The following HCN1 variants were observed in gnomAD, a reference collection of about 807,000 sequenced individuals.
HCN1 encodes the protein hyperpolarization activated cyclic nucleotide gated potassium channel 1.
In HCN1, 13 loss-of-function variants were observed where a neutral mutation model predicts 78.9. That is an observed-to-expected ratio of 0.16 (90% CI 0.11 to 0.26). HCN1 has a LOEUF of 0.26. HCN1 is among the 10% of genes least tolerant of loss of function. The pLI, the probability that HCN1 is intolerant of heterozygous loss-of-function variation, is 1.00. For synonymous variants in HCN1, 552 were observed against 455.5 expected, an observed-to-expected ratio of 1.21 and a Z score of -2.70; for missense variants, 810 against 1,154.3, an observed-to-expected ratio of 0.70 and a Z score of 4.32.
chr5:45,264,943 C>G (rs866261882), intron 7 of HCN1, among the ~76,000 whole-genome samples: 1 of 152,114 alleles, frequency 6.6e-6, no homozygotes, highest in Non-Finnish European at 1.5e-5. Context: ...GTAATTCCAG[C>G]ACTGTGGGAG....
intron 2 of HCN1, among the ~76,000 whole-genome samples, chr5:45,486,914 T>C (rs907876043): frequency 6.6e-6 from 1 of 152,108 alleles, no homozygotes; most frequent in African/African-American, 2.4e-5. Flanking sequence ...CCATCTATGT[T>C]AGGTGGTAAA....
intron 3 of HCN1, among the ~76,000 whole-genome samples, chr5:45,397,417 A>G (rs1739707251): frequency 6.6e-6 from 1 of 152,032 alleles, no homozygotes; most frequent in African/African-American, 2.4e-5. Flanking sequence ...CTGACTTCTG[A>G]GATTATTTAT....
chr5:45,266,544 C>A (rs1354247600), intron 7 of HCN1, among the ~76,000 whole-genome samples: 1 of 152,070 alleles, frequency 6.6e-6, no homozygotes, highest in East Asian at 1.9e-4. Context: ...TGGCATCAGT[C>A]GGGAAATCAG....
intron 6 of HCN1, among the ~76,000 whole-genome samples, chr5:45,272,856 A>G (rs1049277807): frequency 6.6e-6 from 1 of 152,106 alleles, no homozygotes; most frequent in Admixed American, 6.6e-5. Context: ...TAAATACAAA[A>G]TAAAATAAAA....
chr5:45,601,603 G>A (rs573416913), intron 2 of HCN1, among the ~76,000 whole-genome samples: 1 of 152,214 alleles, frequency 6.6e-6, no homozygotes, highest in African/African-American at 2.4e-5. Context: ...TTTGTACACG[G>A]ACTTTTTGAT....
intron 5 of HCN1, among the ~76,000 whole-genome samples, chr5:45,315,791 T>A (rs1230115856): frequency 6.6e-6 from 1 of 152,060 alleles, no homozygotes; most frequent in Non-Finnish European, 1.5e-5. Flanking sequence ...AACACCTCTA[T>A]GCAAATAAAC....
chr5:45,544,108 C>A (rs887379901), intron 2 of HCN1, among the ~76,000 whole-genome samples: 1 of 151,974 alleles, frequency 6.6e-6, no homozygotes, highest in Non-Finnish European at 1.5e-5. Flanking sequence ...TTCCAAGAGT[C>A]TGGAGTACCT....
At chr5:45,271,026 C>T (rs954071135) in intron 6 of HCN1, among the ~76,000 whole-genome samples, 1 of 151,844 alleles carries the variant, frequency 6.6e-6, no homozygotes, top group Admixed American at 6.6e-5. Flanking sequence ...TGGCTTGAAT[C>T]AGTTAAATAT....
At chr5:45,430,573 T>A (rs1330383530) in intron 3 of HCN1, among the ~76,000 whole-genome samples, 1 of 152,168 alleles carries the variant, frequency 6.6e-6, no homozygotes, top group South Asian at 2.1e-4. Context: ...ATTAGTTAAC[T>A]TAGGATAATG....
At chr5:45,577,492 T>C (rs1743970385) in intron 2 of HCN1, among the ~76,000 whole-genome samples, 1 of 152,126 alleles carries the variant, frequency 6.6e-6, no homozygotes. Flanking sequence ...ACTTAAAACA[T>C]ATTTTCATAG....
intron 3 of HCN1, among the ~76,000 whole-genome samples, chr5:45,408,519 T>C (rs1185374359): frequency 2.0e-5 from 3 of 152,170 alleles, no homozygotes; most frequent in Admixed American, 6.6e-5. Context: ...AGGTGTGTAG[T>C]AGGCTATATC....
chr5:45,584,711 T>G (rs1299384295), intron 2 of HCN1, among the ~76,000 whole-genome samples: 1 of 152,204 alleles, frequency 6.6e-6, no homozygotes, highest in Non-Finnish European at 1.5e-5. Context: ...TGGAGCTCTT[T>G]TAGGGCAGGC....
rs1739694895 is a variant in HCN1, at chr5:45,396,723, A to T, written c.1012-13T>A. ...CCCAAGAATCATTCTGCAACATAAG[A>T]TAAAAAGAAAATTGACTGAGCCATT... On this transcript the variant is annotated splice_polypyrimidine_tract_variant and intron_variant, in intron 3 of 7. Transcript: ENST00000303230. The T allele has an allele frequency of 6.2e-7, 1 of 1,607,486 alleles. No individual in the cohort carries two copies. The highest frequency in any genetic ancestry group is 1.1e-5 in the South Asian group (1 of 90,938).
At chr5:45,614,974 A>G (rs529493163) in intron 2 of HCN1, among the ~76,000 whole-genome samples, 1 of 151,896 alleles carries the variant, frequency 6.6e-6, no homozygotes, top group Admixed American at 6.6e-5. Flanking sequence ...CCACAGAGAA[A>G]AAAAAAAAAA....
chr5:45,487,674 T>A (rs939132945), intron 2 of HCN1, among the ~76,000 whole-genome samples: 1 of 152,110 alleles, frequency 6.6e-6, no homozygotes, highest in Non-Finnish European at 1.5e-5. Flanking sequence ...TACAAAATAA[T>A]GTAAGTTCAT....
intron 1 of HCN1, among the ~76,000 whole-genome samples, chr5:45,682,274 T>TATATATATATATACAC (rs1561243541): frequency 7.8e-4 from 82 of 105,688 alleles, no homozygotes; most frequent in Middle Eastern, 4.5e-3. Context: ...TATATATACA[T>TATATATATATATACAC]ATATATATAT....
Position 45,258,302 on chromosome 5 carries a change from A to C in HCN1, c.*3619T>G, listed in dbSNP as rs1361633761. The C allele has an allele frequency of 6.6e-6, 1 of 152,224 alleles. No homozygotes were observed. The allele number at this position is 152,224 out of a possible 1,614,324, so 9.4% of individuals were successfully genotyped here. ...TTAAACATGTCATATTGTTTAAATCATTCTCTGTCCTATAGGAATGACGGT... is the reference window on the plus strand; with the variant it reads ...TTAAACATGTCATATTGTTTAAATCCTTCTCTGTCCTATAGGAATGACGGT... On this transcript the variant is annotated 3_prime_UTR_variant, in exon 8 of 8. Transcript: ENST00000303230.
intron 5 of HCN1, among the ~76,000 whole-genome samples, chr5:45,315,259 CTCAT>C (rs1395895769): frequency 6.6e-6 from 1 of 152,168 alleles, no homozygotes; most frequent in Non-Finnish European, 1.5e-5. Flanking sequence ...GATTAAGAAA[CTCAT>C]TCAAAACCGC....
At chr5:45,627,882 T>C (rs1745198842) in intron 2 of HCN1, among the ~76,000 whole-genome samples, 1 of 152,216 alleles carries the variant, frequency 6.6e-6, no homozygotes, top group East Asian at 1.9e-4. Flanking sequence ...AAATGTGGCA[T>C]TTATTGGAAA....
Sources: gnomAD v4.1 joint callset for allele counts (sites outside exome capture counted in the v4.1 genomes callset) on GRCh38, gnomAD v4.1.1 for gene constraint, MANE v1.5 for transcripts, NCBI Gene and HGNC (gene_info 2026-07-23, HGNC 2026-07-21) for gene names.